Variants in ZC3H4 observed in about 807,000 individuals in gnomAD.
The protein encoded by ZC3H4 is zinc finger CCCH-type containing 4.
ZC3H4 carries 13 observed loss-of-function variants against 108.3 expected under a neutral mutation model. The ratio of observed to expected loss-of-function variants is 0.12; its 90% CI spans 0.08 to 0.19. ZC3H4 has a LOEUF of 0.19. Among genes scored for constraint, ZC3H4 ranks in the 10% least tolerant of loss-of-function variants. The probability of loss-of-function intolerance (pLI) is 1.00; values close to 1 mark genes in which losing one functional copy is unlikely to be tolerated. For missense variants in ZC3H4, 1,734 were observed against 1,838.8 expected (o/e 0.94, Z 1.04); for synonymous variants, 917 against 749.6 (o/e 1.22, Z -3.65).
At chr19:47,096,780 AT>A (rs1273202080) in intron 2 of ZC3H4, 1 of 985,144 alleles carries the variant, frequency 1.0e-6, no homozygotes, top group Middle Eastern at 5.2e-4. Flanking sequence ...TAAATGCCAT[AT>A]CTGTGCCAGG....
intron 5 of ZC3H4, among the ~76,000 whole-genome samples, chr19:47,086,771 C>T (rs552704760): frequency 6.6e-6 from 1 of 152,214 alleles, no homozygotes; most frequent in African/African-American, 2.4e-5. Context: ...CCAGTACTCA[C>T]TCCCCTTCCT....
At chr19:47,080,713 G>A (rs2057506042) in intron 11 of ZC3H4, among the ~76,000 whole-genome samples, 1 of 151,286 alleles carries the variant, frequency 6.6e-6, no homozygotes, top group African/African-American at 2.4e-5. Flanking sequence ...CAGGCTGGAT[G>A]GAATGCAGTG....
At chr19:47,069,396 A>T in intron 13 of ZC3H4, 53 bp from the exon 14 acceptor site, 1 of 1,575,428 alleles carries the variant, frequency 6.3e-7, no homozygotes, top group Non-Finnish European at 8.6e-7. Context: ...CCAGGTGCCA[A>T]CTCCAGCCCC....
intron 4 of ZC3H4, among the ~76,000 whole-genome samples, chr19:47,091,360 C>T (rs2057728513): frequency 6.6e-6 from 1 of 151,988 alleles, no homozygotes; most frequent in South Asian, 2.1e-4. Flanking sequence ...CTCTTGAGGT[C>T]AGGAGTTCCA....
rs908913059 is a variant in ZC3H4 at position 47,067,986 on chromosome 19, G to A, written c.2399-117C>T. ...TTTGCTTGTGCCTCTCAGAACCTCA[G>A]GTCCTCCTCTCTAAGGCTCCCTCCC... On this transcript the variant is annotated intron_variant, in intron 14 of 14. Coordinates refer to ENST00000253048, the MANE Select transcript of ZC3H4 (RefSeq NM_015168.2). This position sits in a 1 kb window ranked among gnomAD's most constrained non-coding sequence, Gnocchi z 6.4. The A allele has an allele frequency of 1.5e-5, 15 of 1,021,616 alleles. No individual in the cohort carries two copies. The highest frequency in any genetic ancestry group is 2.2e-5 in the Non-Finnish European group (15 of 697,526). 63.3% of individuals were successfully genotyped at this position (1,021,616 alleles called of 1,614,324 possible). A position where few individuals can be genotyped will look rare whatever the true frequency, so the allele number is the denominator to read the frequency against.
intron 14 of ZC3H4, among the ~76,000 whole-genome samples, chr19:47,068,557 G>A (rs2057263458): frequency 1.3e-5 from 2 of 152,166 alleles, no homozygotes; most frequent in South Asian, 4.1e-4. Flanking sequence ...TCCTCCTGCT[G>A]TCCCACTGGC....
chr19:47,078,245 A>C (rs555988813), intron 11 of ZC3H4, among the ~76,000 whole-genome samples: 9 of 152,212 alleles, frequency 5.9e-5, no homozygotes, highest in Admixed American at 1.3e-4. Flanking sequence ...TTCACGAGGT[A>C]GGTGGCTTAT....
At position 47,093,981 on chromosome 19, in the gene ZC3H4, G is replaced by A. The variant is rs758814242; in HGVS notation, c.481C>T (p.Pro161Ser). 6.2e-7 allele frequency: 1 copy of A among 1,613,194 alleles called. No homozygotes were observed. The highest frequency in any genetic ancestry group is 1.3e-5 in the African/African-American group (1 of 74,904). Residue 161 changes from proline to serine, a missense_variant, in exon 4 of 15, where the codon CCA becomes TCA. Coordinates refer to ENST00000253048, the MANE Select transcript of ZC3H4 (RefSeq NM_015168.2). ...GHRKYREYSP[P>S]YAPSHQQYPP... ...TGCCAGTCACTCACCGGCGCATATG[G>A]GGGGCTGTACTCTCTGTACTTGCGG...
At chr19:47,082,317 CAT>C (rs765764472) in intron 9 of ZC3H4, 22 bp from the exon 10 acceptor site, 20 of 1,572,034 alleles carry the variant, frequency 1.3e-5, no homozygotes, top group Non-Finnish European at 1.6e-5. Context: ...GCAACAAAAA[CAT>C]AAGGTGGTGG....
At position 47,082,303 on chromosome 19, in the gene ZC3H4, A is replaced by G. The variant is rs116450002; in HGVS notation, c.1219-8T>C. 4.4e-3 allele frequency: 7,069 copies of G among 1,601,296 alleles called. 143 individuals carry two copies. The highest frequency in any genetic ancestry group is 0.037 in the African/African-American group (2,743 of 74,936). On this transcript the variant is annotated splice_polypyrimidine_tract_variant and splice_region_variant and intron_variant, in intron 9 of 14. Transcript: ENST00000253048. ...AAAATTACAGTGGTCTCCCTAGAAG[A>G]GAAGCAACAAAAACATAAGGTGGTG...
At chr19:47,081,692 A>G in intron 10 of ZC3H4, 70 bp from the exon 11 acceptor site, 1 of 1,291,286 alleles carries the variant, frequency 7.7e-7, no homozygotes, top group Middle Eastern at 1.9e-4. Context: ...GACCCAAGGC[A>G]GAATCCAGCT....
Position 47,067,475 on chromosome 19 carries a change from G to A in ZC3H4, c.2793C>T (p.Ala931=). ...PPTEEEEGER[A]LREKAVNIPL... is the part of the protein sequence containing the mutation. ...GAATGTTCACGGCCTTCTCCCGCAG[G>A]GCCCGCTCCCCTTCCTCCTCCTCCG... The change falls in exon 15 of 15, where the codon GCC becomes GCT. Residue 931 remains alanine, a synonymous_variant. Transcript: ENST00000253048. This position sits in a 1 kb window ranked among gnomAD's most constrained non-coding sequence, Gnocchi z 6.4. The A allele has an allele frequency of 6.3e-7, 1 of 1,581,540 alleles. No homozygotes were observed.
At chr19:47,102,085 G>A (rs1324005175) in intron 2 of ZC3H4, among the ~76,000 whole-genome samples, 1 of 152,158 alleles carries the variant, frequency 6.6e-6, no homozygotes, top group Non-Finnish European at 1.5e-5. Flanking sequence ...ACTCAGCAAT[G>A]TGAGGAGAGG....
In ZC3H4 at chr19:47,067,151, G is replaced by A; in HGVS notation, c.3117C>T (p.Asn1039=). 6.2e-7 allele frequency: 1 copy of A among 1,612,054 alleles called. No individual in the cohort carries two copies. Among genetic ancestry groups the A allele is most frequent in the South Asian group, 1.1e-5 (1 of 90,892 alleles). Residue 1039 remains asparagine, a synonymous_variant, in exon 15 of 15, where the codon AAC becomes AAT. Coordinates refer to ENST00000253048, the MANE Select transcript of ZC3H4 (RefSeq NM_015168.2). This position sits in a 1 kb window ranked among gnomAD's most constrained non-coding sequence, Gnocchi z 6.4. ...ASTDSSTQGA[N]LPDFELLSRI... Reference sequence around the variant, plus strand: ...GAGACAGAAGTTCAAAGTCGGGGAGGTTGGCGCCCTGTGTGCTGGAATCCG... The same window carrying A: ...GAGACAGAAGTTCAAAGTCGGGGAGATTGGCGCCCTGTGTGCTGGAATCCG...
At position 47,106,100 on chromosome 19, in the gene ZC3H4, G is replaced by C. The variant is rs149277682; in HGVS notation, c.161+6324C>G. Among the ~76,000 whole-genome samples, 438 of 152,308 alleles carry C rather than the reference G, an allele frequency of 2.9e-3. 2 individuals are homozygous for C. Among genetic ancestry groups the C allele is most frequent in the African/African-American group, 0.01 (417 of 41,566 alleles). On this transcript the variant is annotated intron_variant, in intron 2 of 14. Transcript: ENST00000253048. ...TAATGCATGAGAAGCACTCAGAAGG[G>C]CTCTGGCAGATAATCTTTGACCTTC...
chr19:47,073,861 T>A (rs545188766), intron 11 of ZC3H4, among the ~76,000 whole-genome samples: 1 of 152,332 alleles, frequency 6.6e-6, no homozygotes, highest in South Asian at 2.1e-4. Flanking sequence ...CACTGCTACA[T>A]CTATCAGTAT....
At position 47,069,302 on chromosome 19, in the gene ZC3H4, C is replaced by T. The variant is rs1282109809; in HGVS notation, c.2188G>A (p.Glu730Lys). Residue 730 changes from glutamate (E) to lysine (K), a missense_variant, in exon 14 of 15, where the codon GAG becomes AAG. Glu to Lys is a moderately conservative substitution (Grantham distance 56). This residue lies in a region of ZC3H4 where 540 missense variants were observed against 484.1 expected (regional missense o/e 1.12). Transcript: ENST00000253048. ...HYEELPGEPG[E>K]HLFPEHPLEP... ...AGAGGGTGCTCAGGGAAGAGGTGCT[C>T]CCCAGGCTCCCCTGGCAGCTCTTCG... The T allele has an allele frequency of 1.9e-6, 3 of 1,613,558 alleles. No homozygotes were observed. Among genetic ancestry groups the T allele is most frequent in the African/African-American group, 1.3e-5 (1 of 74,912 alleles).
At position 47,084,443 on chromosome 19, in the gene ZC3H4, C is replaced by T. The variant is rs1366265275; in HGVS notation, c.1120G>A (p.Gly374Arg). 3.7e-6 allele frequency: 6 copies of T among 1,614,072 alleles called. No individual in the cohort carries two copies. The highest frequency in any genetic ancestry group is 5.1e-6 in the Non-Finnish European group (6 of 1,180,036). The change falls in exon 9 of 15, where the codon GGA (glycine) becomes AGA (arginine). Residue 374 changes from glycine (G) to arginine (R), a missense_variant. Transcript: ENST00000253048. The stretch of plus-strand genomic sequence containing the variant: ...TCATGGTCACGACTCCGGTAGCTTC[C>T]ACCACCACCGTCCTGCAATGGACAG... ...YDEDMGDGGG[G>R]SYRSRDHDKP...
chr19:47,096,624 T>A (rs2057824718), intron 2 of ZC3H4, among the ~76,000 whole-genome samples: 2 of 152,172 alleles, frequency 1.3e-5, no homozygotes, highest in African/African-American at 4.8e-5. Context: ...ACGGACAGAC[T>A]GAGCGGGAGA....
Sources: allele counts gnomAD v4.1 joint callset (sites outside exome capture counted in the v4.1 genomes callset), GRCh38; gene constraint gnomAD v4.1.1; regional missense constraint gnomAD v4.1.1; non-coding constraint Gnocchi (gnomAD v3.1); transcripts MANE v1.5; gene names NCBI Gene and HGNC (gene_info 2026-07-23, HGNC 2026-07-21).